The following KCNN2 variants were observed in gnomAD, a reference collection of about 807,000 sequenced individuals.
The protein encoded by KCNN2 is potassium calcium-activated channel subfamily N member 2, also known as small conductance calcium-activated potassium channel protein 2.
In KCNN2, 24 loss-of-function variants were observed where a neutral mutation model predicts 55.5. That is an observed-to-expected ratio of 0.43 (90% confidence interval 0.31 to 0.61). KCNN2 has a LOEUF of 0.61. KCNN2 is among the 20% of genes least tolerant of loss of function. KCNN2 has a pLI of 0.08. For missense variants in KCNN2, 754 were observed against 853.6 expected (o/e 0.88, Z 1.45); for synonymous variants, 431 against 336.1 (o/e 1.28, Z -3.09).
chr5:114,304,776 T>TTTCAAGTC (rs1174036623), intron 2 of KCNN2, among the ~76,000 whole-genome samples: 2 of 152,212 alleles, frequency 1.3e-5, no homozygotes, highest in Non-Finnish European at 2.9e-5. Context: ...ATTGAGAACT[T>TTTCAAGTC]TTCAAGTCTT....
chr5:114,243,920 C>A (rs558329944), intron 2 of KCNN2, among the ~76,000 whole-genome samples: 4 of 152,272 alleles, frequency 2.6e-5, no homozygotes, highest in South Asian at 2.1e-4. Flanking sequence ...CATTCTTAAA[C>A]CCTGTCTTAA....
intron 2 of KCNN2, among the ~76,000 whole-genome samples, chr5:114,326,498 G>A (rs1009790757): frequency 6.6e-6 from 1 of 152,150 alleles, no homozygotes; most frequent in Non-Finnish European, 1.5e-5. Flanking sequence ...CAGATAGGGA[G>A]TGCCATGGCC....
At chr5:114,177,184 C>A (rs1324447139) in intron 1 of KCNN2, among the ~76,000 whole-genome samples, 2 of 148,476 alleles carry the variant, frequency 1.3e-5, no homozygotes, top group Non-Finnish European at 3.0e-5. Flanking sequence ...GTCGCCCAGG[C>A]TGGAGTGCAG....
chr5:114,318,564 A>C (rs141507118), intron 2 of KCNN2, among the ~76,000 whole-genome samples: 5 of 151,484 alleles, frequency 3.3e-5, no homozygotes, highest in Admixed American at 3.3e-4. Flanking sequence ...AACAATGATA[A>C]TATCATAATG....
chr5:114,370,558 C>T (rs754461707), intron 2 of KCNN2, among the ~76,000 whole-genome samples: 1 of 151,954 alleles, frequency 6.6e-6, no homozygotes, highest in Non-Finnish European at 1.5e-5. Context: ...TCAGACAGGA[C>T]CATCAAGGGA....
chr5:114,224,648 A>G (rs967646658), intron 2 of KCNN2, among the ~76,000 whole-genome samples: 4 of 152,216 alleles, frequency 2.6e-5, no homozygotes, highest in African/African-American at 7.2e-5. Flanking sequence ...CCCAAAGTCA[A>G]TGAATTCAAG....
rs767899384 is a variant in KCNN2, at chr5:114,362,993, ACAACAACTC to A, written c.862_870del (p.Ser288_Asn290del). 1 of 1,594,014 alleles carries A rather than the reference ACAACAACTC, an allele frequency of 6.3e-7. No homozygotes were observed. The highest frequency in any genetic ancestry group is 1.1e-5 in the South Asian group (1 of 89,956). ...GAGATCGTGGTGTCTAAGCCCGAGCACAACAACTCCAACAACCTGGCGCTCTATGGAACC... is the reference window on the plus strand; with the variant it reads ...GAGATCGTGGTGTCTAAGCCCGAGCACAACAACCTGGCGCTCTATGGAACC... On this transcript the variant is annotated inframe_deletion, in exon 1 of 8. Coordinates refer to ENST00000673685, the MANE Select transcript of KCNN2 (RefSeq NM_021614.4).
Position 114,407,127 on chromosome 5 carries a change from A to G in KCNN2, c.1637+2271A>G, listed in dbSNP as rs563210539. ...GCATCCTTGTAAAATACAAGGATGT[A>G]TTTTAATCCATGGTACTGGGAACTT... is the stretch of plus-strand genomic sequence containing the variant. On this transcript the variant is annotated intron_variant, in intron 3 of 7. Coordinates refer to ENST00000673685, the MANE Select transcript of KCNN2 (RefSeq NM_021614.4). 6.6e-5 allele frequency among the ~76,000 whole-genome samples: 10 copies of G among 152,194 alleles called. No homozygotes were observed. In the South Asian group the frequency reaches 1.7e-3, roughly 25 times the overall value.
At chr5:114,133,164 C>T (rs999907666) in intron 1 of KCNN2, among the ~76,000 whole-genome samples, 1 of 151,970 alleles carries the variant, frequency 6.6e-6, no homozygotes, top group African/African-American at 2.4e-5. Context: ...TGATAATTAT[C>T]AGATTCTATA....
intron 2 of KCNN2, among the ~76,000 whole-genome samples, chr5:114,379,627 T>C (rs1413354942): frequency 1.0e-5 from 1 of 96,060 alleles, no homozygotes; most frequent in African/African-American, 5.5e-5. Flanking sequence ...ATATAACATA[T>C]TATATATTTG....
intron 2 of KCNN2, among the ~76,000 whole-genome samples, chr5:114,355,198 A>G (rs1757275394): frequency 6.6e-6 from 1 of 152,218 alleles, no homozygotes; most frequent in Non-Finnish European, 1.5e-5. Context: ...GAAGAGTAGT[A>G]GATTTTCTGA....
intron 2 of KCNN2, among the ~76,000 whole-genome samples, chr5:114,345,876 G>C (rs1190323377): frequency 1.3e-5 from 2 of 152,114 alleles, no homozygotes; most frequent in Non-Finnish European, 2.9e-5. Context: ...CGCCTCCCAG[G>C]TTCAAGTGAT....
intron 1 of KCNN2, among the ~76,000 whole-genome samples, chr5:114,169,067 C>G (rs1752977232): frequency 6.6e-6 from 1 of 152,098 alleles, no homozygotes; most frequent in Admixed American, 6.6e-5. Flanking sequence ...CTCTCCTTCT[C>G]TGTCATGGTA....
chr5:114,446,489 G>A lies in KCNN2; in HGVS notation c.1638-16560G>A, dbSNP rs557180981. ...ATTTTATTTTTTGAGACAGAGTCTC[G>A]CCTTGTTGCCCAGGCTGGAGTGCAG... On this transcript the variant is annotated intron_variant, in intron 3 of 7. Coordinates refer to ENST00000673685, the MANE Select transcript of KCNN2 (RefSeq NM_021614.4). Among the ~76,000 whole-genome samples, 12 of 152,098 alleles carry A rather than the reference G, an allele frequency of 7.9e-5. No homozygotes were observed. In the South Asian group the frequency reaches 1.0e-3, roughly 13 times the overall value.
intron 3 of KCNN2, among the ~76,000 whole-genome samples, chr5:114,445,044 T>G (rs2150097881): frequency 6.6e-6 from 1 of 152,284 alleles, no homozygotes; most frequent in East Asian, 1.9e-4. Flanking sequence ...GAGGTCACAA[T>G]TCTGAATACA....
chr5:114,236,689 G>A (rs762051302), intron 2 of KCNN2, among the ~76,000 whole-genome samples: 1 of 152,052 alleles, frequency 6.6e-6, no homozygotes, highest in Non-Finnish European at 1.5e-5. Context: ...TATCATTAAT[G>A]TGTTTTTCTT....
chr5:114,425,597 C>T (rs1214056404), intron 3 of KCNN2, among the ~76,000 whole-genome samples: 1 of 152,166 alleles, frequency 6.6e-6, no homozygotes, highest in Non-Finnish European at 1.5e-5. Flanking sequence ...CTGGACCCAA[C>T]CTCAGATCAG....
intron 1 of KCNN2, among the ~76,000 whole-genome samples, chr5:114,080,725 G>C (rs7714070): frequency 2.1e-3 from 315 of 152,108 alleles, no homozygotes; most frequent in African/African-American, 7.1e-3. Context: ...TAGTGAACAT[G>C]ATACTCAATA....
intron 1 of KCNN2, among the ~76,000 whole-genome samples, chr5:114,217,390 A>T (rs1754028641): frequency 6.6e-6 from 1 of 152,150 alleles, no homozygotes; most frequent in Admixed American, 6.5e-5. Flanking sequence ...ATTTGCAAAA[A>T]ATAGACAAAT....
Sources: allele counts gnomAD v4.1 joint callset (sites outside exome capture counted in the v4.1 genomes callset), GRCh38; gene constraint gnomAD v4.1.1; transcripts MANE v1.5; gene names NCBI Gene and HGNC (gene_info 2026-07-23, HGNC 2026-07-21).